GTF2F1: variants seen among roughly 807,000 people sequenced by gnomAD.
GTF2F1 encodes the protein general transcription factor IIF 74 kDa subunit.
In GTF2F1, 39 loss-of-function variants were observed where a neutral mutation model predicts 63.5. That is an observed-to-expected ratio of 0.61 (90% CI 0.48 to 0.80). The LOEUF is 0.80. Among genes scored for constraint, GTF2F1 ranks in the 30% least tolerant of loss-of-function variants. The pLI, the probability that GTF2F1 is intolerant of heterozygous loss-of-function variation, is 0.00. For missense variants in GTF2F1, 657 were observed against 718.3 expected, an observed-to-expected ratio of 0.91 and a Z score of 0.97; for synonymous variants, 287 against 285.3, an observed-to-expected ratio of 1.01 and a Z score of -0.06.
At position 6,380,937 on chromosome 19, in the gene GTF2F1, T is replaced by G. The variant is rs1555721775; in HGVS notation, c.1198A>C (p.Thr400Pro). Residue 400 changes from threonine (T) to proline (P), a missense_variant, in exon 11 of 13, where the codon ACC (threonine) becomes CCC (proline). Around this residue, in one of 2 missense-constraint regions of GTF2F1, gnomAD observed 602 missense variants for 625.6 expected, o/e 0.96. Coordinates refer to ENST00000394456, the MANE Select transcript of GTF2F1 (RefSeq NM_002096.3). This position sits in a 1 kb window ranked among gnomAD's most constrained non-coding sequence, Gnocchi z 5.3. Reference protein sequence around the residue: ...PSAEGGSTSSTLRAAASKLEQ... With the variant: ...PSAEGGSTSSPLRAAASKLEQ... The stretch of plus-strand genomic sequence containing the variant: ...AGTTTGCTGGCAGCCGCCCGCAGGG[T>G]GGAGGAGGTGCTGCCACCCTCTGCG... 6.3e-7 allele frequency: 1 copy of G among 1,580,082 alleles called. No individual in the cohort carries two copies. Among genetic ancestry groups the G allele is most frequent in the Non-Finnish European group, 8.6e-7 (1 of 1,164,340 alleles).
Position 6,381,753 on chromosome 19 carries a change from G to C in GTF2F1, c.780C>G (p.Asp260Glu). ...GGCCCTCGAAGTCCCCATCATCGCT[G>C]TCCTCGAAGGCCTCGTCGTCTGAAC... The part of the protein sequence containing the change: ...KKGSDDEAFE[D>E]SDDGDFEGQE... Residue 260 changes from aspartate to glutamate, a missense_variant, in exon 7 of 13, where the codon GAC (aspartate) becomes GAG (glutamate). Around this residue, in one of 2 missense-constraint regions of GTF2F1, gnomAD observed 602 missense variants for 625.6 expected, o/e 0.96. Transcript: ENST00000394456. This position sits in a 1 kb window ranked among gnomAD's most constrained non-coding sequence, Gnocchi z 4.1. The C allele has an allele frequency of 5.6e-6, 9 of 1,614,184 alleles. No individual in the cohort carries two copies. Among genetic ancestry groups the C allele is most frequent in the Non-Finnish European group, 7.6e-6 (9 of 1,180,040 alleles).
At chr19:6,388,219 C>T (rs907396312) in intron 4 of GTF2F1, among the ~76,000 whole-genome samples, 36 of 152,246 alleles carry the variant, frequency 2.4e-4, no homozygotes, top group Admixed American at 3.9e-4. Context: ...CGTGAGCCAC[C>T]GCGCCCAGCC....
In GTF2F1 at chr19:6,393,083, C is replaced by G. The variant is rs2092008454; in HGVS notation, c.-88G>C. ...GCGTCCCTCGATCCCGGGGAAGCCGCCGCTCGGTGTCGGGTCTCTGTGCCT... is the reference window on the plus strand; with the variant it reads ...GCGTCCCTCGATCCCGGGGAAGCCGGCGCTCGGTGTCGGGTCTCTGTGCCT... On this transcript the variant is annotated 5_prime_UTR_variant, in exon 1 of 13. Coordinates refer to ENST00000394456, the MANE Select transcript of GTF2F1 (RefSeq NM_002096.3). 6.4e-7 allele frequency: 1 copy of G among 1,559,196 alleles called. No individual in the cohort carries two copies. Among genetic ancestry groups the G allele is most frequent in the South Asian group, 1.1e-5 (1 of 89,736 alleles).
intron 6 of GTF2F1, among the ~76,000 whole-genome samples, chr19:6,382,576 A>C (rs2145074156): frequency 6.7e-6 from 1 of 149,298 alleles, no homozygotes. Context: ...GGTTGCAGTG[A>C]GCCGAGATTG....
At chr19:6,389,295 T>A (rs1348907378) in intron 4 of GTF2F1, 149 bp downstream of exon 4, 2 of 393,558 alleles carry the variant, frequency 5.1e-6, no homozygotes, top group East Asian at 3.8e-5. Flanking sequence ...AAATAAATAA[T>A]AAAATCCTAC....
At chr19:6,391,555 C>A (rs770177940) in intron 3 of GTF2F1, among the ~76,000 whole-genome samples, 1 of 148,364 alleles carries the variant, frequency 6.7e-6, no homozygotes, top group Non-Finnish European at 1.5e-5. Context: ...TGGGCTCAAG[C>A]GATCCTCCTA....
chr19:6,384,017 G>A (rs1279599378), intron 5 of GTF2F1, among the ~76,000 whole-genome samples: 1 of 150,368 alleles, frequency 6.7e-6, no homozygotes, highest in Non-Finnish European at 1.5e-5. Flanking sequence ...ATGTTGGACA[G>A]GCTGGTCTCG....
Position 6,381,382 on chromosome 19 carries a change from G to T in GTF2F1, c.995C>A (p.Pro332Gln). ...ACCTTTCCTGCGCTTCTTCTCCTGC[G>T]GGGTGGGTGCCTTCTTCTCCTCCTC... ...EEEEEKKAPT[P>Q]QEKKRRKDSS... Residue 332 changes from proline (P) to glutamine (Q), a missense_variant, in exon 9 of 13, where the codon CCG becomes CAG. Physicochemically the swap from Pro to Gln is moderately conservative, Grantham distance 76. This residue lies in a region of GTF2F1 where 602 missense variants were observed against 625.6 expected (regional missense o/e 0.96). Coordinates refer to ENST00000394456, the MANE Select transcript of GTF2F1 (RefSeq NM_002096.3). This position sits in a 1 kb window ranked among gnomAD's most constrained non-coding sequence, Gnocchi z 4.1. The T allele has an allele frequency of 6.2e-7, 1 of 1,608,590 alleles. No homozygotes were observed.
chr19:6,389,768 G>T, intron 3 of GTF2F1, 131 bp from the exon 4 acceptor site: 3 of 753,792 alleles, frequency 4.0e-6, no homozygotes, highest in Non-Finnish European at 6.5e-6. Flanking sequence ...TTGGCAACAA[G>T]GGAGGAGAAC....
rs753678894 is a variant in GTF2F1, at chr19:6,381,801, G to A, written c.732C>T (p.Gly244=). The A allele has an allele frequency of 1.2e-6, 2 of 1,613,754 alleles. No homozygotes were observed. Among genetic ancestry groups the A allele is most frequent in the African/African-American group, 1.3e-5 (1 of 75,032 alleles). Residue 244 remains glycine (G), a synonymous_variant, in exon 7 of 13, where the codon GGC becomes GGT. Coordinates refer to ENST00000394456, the MANE Select transcript of GTF2F1 (RefSeq NM_002096.3). The surrounding 1 kb of genome is among the most constrained non-coding windows in gnomAD (Gnocchi z 4.1). ...AKKKAPLAKG[G]RKKKKKKGSD... ...AACCCTTCTTCTTCTTCTTTTTCCT[G>A]CCGCCCTTGGCCAGCGGCGCCTTCT...
In GTF2F1 at chr19:6,381,237, G is replaced by A; in HGVS notation, c.1019-42C>T. On this transcript the variant is annotated intron_variant, in intron 9 of 12. Coordinates refer to ENST00000394456, the MANE Select transcript of GTF2F1 (RefSeq NM_002096.3). The surrounding 1 kb of genome is among the most constrained non-coding windows in gnomAD (Gnocchi z 4.1). Reference sequence around the variant, plus strand: ...AGGGGTCAGGGCCAGAGCAACCCCGGGACCCGGTGCCCACTGGTGCCTCCA... The same window carrying A: ...AGGGGTCAGGGCCAGAGCAACCCCGAGACCCGGTGCCCACTGGTGCCTCCA... The A allele has an allele frequency of 6.3e-7, 1 of 1,576,676 alleles. No homozygotes were observed. The highest frequency in any genetic ancestry group is 2.3e-5 in the East Asian group (1 of 43,060).
At position 6,381,417 on chromosome 19, in the gene GTF2F1, GTCCTCCTCAGGCGGCTTC is replaced by G; in HGVS notation, c.942_959del (p.Glu314_Glu319del). ...CCTTCTTCTCCTCCTCCTCCTCCTT[GTCCTCCTCAGGCGGCTTC>G]TCCTCCTCACTCTCCTCACTACTGT... On this transcript the variant is annotated inframe_deletion, in exon 9 of 13. Coordinates refer to ENST00000394456, the MANE Select transcript of GTF2F1 (RefSeq NM_002096.3). This position sits in a 1 kb window ranked among gnomAD's most constrained non-coding sequence, Gnocchi z 4.1. 4 of 1,610,598 alleles carry G rather than the reference GTCCTCCTCAGGCGGCTTC, an allele frequency of 2.5e-6. No individual in the cohort carries two copies. Among genetic ancestry groups the G allele is most frequent in the Non-Finnish European group, 3.4e-6 (4 of 1,179,628 alleles).
intron 4 of GTF2F1, among the ~76,000 whole-genome samples, chr19:6,388,332 AC>A (rs1206886876): frequency 6.6e-6 from 1 of 151,574 alleles, no homozygotes. Context: ...ATTCTTTTCT[AC>A]CCCAAAGTTC....
chr19:6,386,104 G>A (rs1441492523), intron 5 of GTF2F1, among the ~76,000 whole-genome samples: 1 of 151,250 alleles, frequency 6.6e-6, no homozygotes, highest in African/African-American at 2.4e-5. Flanking sequence ...AACTAAAACA[G>A]GCCGGGCGTG....
Position 6,391,975 on chromosome 19 carries a change from C to T in GTF2F1, c.60-1G>A. On this transcript the variant is annotated splice_acceptor_variant, in intron 2 of 12. Transcript: ENST00000394456. LOFTEE classifies it high-confidence loss of function. ...GATGTTATATTTTTTGGTTGTATTC[C>T]TGGAGTGGATGAGAAGAGGTAGTGT... 1 of 1,540,812 alleles carries T rather than the reference C, an allele frequency of 6.5e-7. No individual in the cohort carries two copies. The highest frequency in any genetic ancestry group is 8.9e-7 in the Non-Finnish European group (1 of 1,129,292).
intron 4 of GTF2F1, among the ~76,000 whole-genome samples, chr19:6,388,524 C>A (rs546776488): frequency 1.6e-4 from 25 of 152,344 alleles, no homozygotes; most frequent in African/African-American, 2.9e-4. Context: ...TGCCCTCAGT[C>A]TGCCCCCTCT....
At chr19:6,387,687 G>A in intron 4 of GTF2F1, 128 bp from the exon 5 acceptor site, 1 of 679,722 alleles carries the variant, frequency 1.5e-6, no homozygotes, top group South Asian at 1.9e-5. Flanking sequence ...ATGAGGCCTG[G>A]GCAGGCCCTT....
chr19:6,381,615 AC>A lies in GTF2F1; in HGVS notation c.837-1del. On this transcript the variant is annotated splice_acceptor_variant, in intron 7 of 12. Transcript: ENST00000394456. LOFTEE classifies it high-confidence loss of function. The surrounding 1 kb of genome is among the most constrained non-coding windows in gnomAD (Gnocchi z 4.1). ...TGCTCTCAGGCTCTTCTTGGGAGCT[AC>A]TGTAAGACGGGGATGGCAAAGGATG... is the stretch of plus-strand genomic sequence containing the variant. 1 of 1,613,914 alleles carries A rather than the reference AC, an allele frequency of 6.2e-7. No homozygotes were observed. Among genetic ancestry groups the A allele is most frequent in the East Asian group, 2.2e-5 (1 of 44,866 alleles).
At chr19:6,387,368 G>GC (rs1455201880) in intron 5 of GTF2F1, 21 bp downstream of exon 5, 1 of 1,610,686 alleles carries the variant, frequency 6.2e-7, no homozygotes, top group African/African-American at 1.3e-5. Context: ...TCTGTCCCCA[G>GC]CCACCACCCA....
Sources: allele counts gnomAD v4.1 joint callset (sites outside exome capture counted in the v4.1 genomes callset), GRCh38; gene constraint gnomAD v4.1.1; regional missense constraint gnomAD v4.1.1; non-coding constraint Gnocchi (gnomAD v3.1); transcripts MANE v1.5; gene names NCBI Gene and HGNC (gene_info 2026-07-23, HGNC 2026-07-21).